The following PATJ variants were observed in gnomAD, a reference collection of about 807,000 sequenced individuals.
PATJ encodes the protein PATJ crumbs cell polarity complex component, also known as inaD-like protein.
PATJ carries 190 observed loss-of-function variants against 224.9 expected under a neutral mutation model. That is an observed-to-expected ratio of 0.84 (90% CI 0.75 to 0.95). The LOEUF (loss-of-function observed/expected upper bound fraction) is 0.95. Ranked by LOEUF, PATJ falls within the 40% of genes least tolerant of loss-of-function variation. The probability of loss-of-function intolerance (pLI) is 0.00; values close to 1 mark genes in which losing one functional copy is unlikely to be tolerated. For missense variants in PATJ, 2,121 were observed against 2,270.3 expected, an observed-to-expected ratio of 0.93 and a Z score of 1.34; for synonymous variants, 769 against 820.3, an observed-to-expected ratio of 0.94 and a Z score of 1.07.
intron 22 of PATJ, among the ~76,000 whole-genome samples, chr1:61,885,350 C>T (rs974006200): frequency 1.6e-4 from 25 of 152,126 alleles, no homozygotes; most frequent in Admixed American, 3.9e-4. Flanking sequence ...CAAACAACCC[C>T]ATCAAAAAGT....
Position 61,861,485 on chromosome 1 carries a change from C to T in PATJ, c.2323-66C>T, listed in dbSNP as rs1260783832. 12 of 715,540 alleles carry T rather than the reference C, an allele frequency of 1.7e-5. No individual in the cohort carries two copies. In the South Asian group the frequency reaches 1.8e-4, roughly 11 times the overall value. 44.3% of individuals were successfully genotyped at this position (715,540 alleles called of 1,614,324 possible). A position where few individuals can be genotyped will look rare whatever the true frequency, so the allele number is the denominator to read the frequency against. On this transcript the variant is annotated intron_variant, in intron 18 of 43. Coordinates refer to ENST00000642238, the MANE Select transcript of PATJ (RefSeq NM_001350145.3). Reference sequence around the variant, plus strand: ...CATTAGGTATTTGTCCTAATGCTCTCCCTCCCCTTGCTCCCCACCCCACAA... The same window carrying T: ...CATTAGGTATTTGTCCTAATGCTCTTCCTCCCCTTGCTCCCCACCCCACAA...
At chr1:61,939,332 C>CACACAT (rs1277865490) in intron 27 of PATJ, among the ~76,000 whole-genome samples, 1 of 111,452 alleles carries the variant, frequency 9.0e-6, no homozygotes, top group Non-Finnish European at 1.8e-5. Flanking sequence ...CACACACACA[C>CACACAT]ACACACACAC....
intron 21 of PATJ, among the ~76,000 whole-genome samples, chr1:61,877,592 C>A (rs1667504557): frequency 6.6e-6 from 1 of 151,888 alleles, no homozygotes; most frequent in African/African-American, 2.4e-5. Flanking sequence ...GGCACTTCCC[C>A]CTTTGCGCAT....
intron 31 of PATJ, among the ~76,000 whole-genome samples, chr1:62,067,731 TG>T (rs1169124722): frequency 7.9e-5 from 12 of 152,144 alleles, no homozygotes; most frequent in African/African-American, 2.7e-4. Flanking sequence ...CATTAGTGTT[TG>T]TTTGTTGTTT....
At chr1:61,962,531 C>G (rs148884978) in intron 27 of PATJ, among the ~76,000 whole-genome samples, 1 of 152,106 alleles carries the variant, frequency 6.6e-6, no homozygotes, top group Non-Finnish European at 1.5e-5. Context: ...AGTAATTGGA[C>G]TGGGTTTGTG....
intron 27 of PATJ, among the ~76,000 whole-genome samples, chr1:61,936,172 C>T (rs1312629184): frequency 6.6e-6 from 1 of 151,822 alleles, no homozygotes. Context: ...CAAATCCCTA[C>T]TCATTAGCAG....
chr1:61,859,116 A>T (rs1174910931), intron 18 of PATJ, among the ~76,000 whole-genome samples: 3 of 152,178 alleles, frequency 2.0e-5, no homozygotes, highest in Admixed American at 2.0e-4. Flanking sequence ...GCATGGGGAC[A>T]TCCCAAACTA....
At chr1:61,781,383 C>T (rs1443171324) in intron 7 of PATJ, among the ~76,000 whole-genome samples, 1 of 152,194 alleles carries the variant, frequency 6.6e-6, no homozygotes, top group African/African-American at 2.4e-5. Flanking sequence ...TCTCTTCAGC[C>T]TTCTTGCTAT....
At chr1:61,833,590 T>A (rs1659695445) in intron 16 of PATJ, 64 bp from the exon 17 acceptor site, 1 of 1,452,346 alleles carries the variant, frequency 6.9e-7, no homozygotes, top group African/African-American at 1.4e-5. Flanking sequence ...ATTCTTGATG[T>A]GTGCATTCTT....
chr1:61,753,916 T>C (rs1382807567), intron 1 of PATJ, among the ~76,000 whole-genome samples: 1 of 151,528 alleles, frequency 6.6e-6, no homozygotes, highest in Non-Finnish European at 1.5e-5. Flanking sequence ...AAAATTAAAT[T>C]TCTATCTCTC....
chr1:62,128,128 A>G, intron 40 of PATJ, 34 bp downstream of exon 40: 1 of 1,612,850 alleles, frequency 6.2e-7, no homozygotes, highest in East Asian at 2.2e-5. Context: ...GACTAACAAT[A>G]TGTGTTGGGG....
Position 61,984,661 on chromosome 1 carries a change from C to T in PATJ, c.3671-5507C>T, listed in dbSNP as rs557290441. On this transcript the variant is annotated intron_variant, in intron 27 of 43. Transcript: ENST00000642238. ...GGATTATTGGAAATGTCAACCAAAA[C>T]GAGTCCTTGGCATGATACAGTAGAA... Among the ~76,000 whole-genome samples the T allele has an allele frequency of 6.7e-4, 102 of 152,104 alleles. 1 individual carries two copies. The highest frequency in any genetic ancestry group is 2.0e-3 in the African/African-American group (84 of 41,394).
At chr1:61,991,146 C>T (rs1019380428) in intron 28 of PATJ, among the ~76,000 whole-genome samples, 9 of 151,658 alleles carry the variant, frequency 5.9e-5, no homozygotes, top group Admixed American at 2.6e-4. Flanking sequence ...AGAAAACAGA[C>T]GTGAAAAGAT....
At chr1:62,067,123 C>CTTTTTTTTTTTT (rs11381578) in intron 31 of PATJ, among the ~76,000 whole-genome samples, 1 of 116,474 alleles carries the variant, frequency 8.6e-6, no homozygotes, top group Non-Finnish European at 1.8e-5. Flanking sequence ...CCTATTCTTT[C>CTTTTTTTTTTTT]TTTTTTTTTT....
chr1:62,103,582 A>T (rs988630834), intron 33 of PATJ, among the ~76,000 whole-genome samples: 1 of 152,140 alleles, frequency 6.6e-6, no homozygotes. Flanking sequence ...GTGAAACCTC[A>T]TCTCTACTAA....
chr1:61,836,929 G>A (rs55975800), intron 17 of PATJ, among the ~76,000 whole-genome samples: 18,367 of 152,176 alleles, frequency 0.12, 1,237 homozygotes, highest in South Asian at 0.24. Context: ...AGAAAGTATT[G>A]GTAGAGGGAG....
In PATJ at chr1:62,114,189, C is replaced by T. The variant is rs780393690; in HGVS notation, c.4598C>T (p.Pro1533Leu). 1.5e-5 allele frequency: 25 copies of T among 1,614,030 alleles called. No individual in the cohort carries two copies. The South Asian group carries it at 1.6e-4, about 11-fold the overall frequency. The change falls in exon 35 of 44, where the codon CCT (proline) becomes CTT (leucine). Residue 1533 changes from proline to leucine, a missense_variant. By Grantham distance (98) the Pro-to-Leu change is moderately conservative. Coordinates refer to ENST00000642238, the MANE Select transcript of PATJ (RefSeq NM_001350145.3). ...YRDEENLEIF[P>L]VDLQKKAGRG... is the part of the protein sequence containing the mutation. ...GATGAGGAGAACTTGGAGATTTTCC[C>T]TGTGGATCTGCAGAAGAAAGCTGGC...
rs1659969531 is a variant in PATJ at position 62,086,260 on chromosome 1, T to TGTGTATGTGTGTGTGTG, written c.4377+1612_4377+1613insGTGTATGTGTGTGTGTG. 7.5e-6 allele frequency among the ~76,000 whole-genome samples: 1 copy of TGTGTATGTGTGTGTGTG among 133,044 alleles called. No individual in the cohort carries two copies. Among genetic ancestry groups the TGTGTATGTGTGTGTGTG allele is most frequent in the Non-Finnish European group, 1.6e-5 (1 of 64,036 alleles). 87.3% of individuals were successfully genotyped at this position (133,044 alleles called of 152,430 possible). ...TGTGTGTGTATGTGTGTGTGTGTGT[T>TGTGTATGTGTGTGTGTG]TAATACCTGCATATTATACAAAGTT... On this transcript the variant is annotated intron_variant, in intron 33 of 43. Coordinates refer to ENST00000642238, the MANE Select transcript of PATJ (RefSeq NM_001350145.3). The surrounding 1 kb of genome is among the most constrained non-coding windows in gnomAD (Gnocchi z 4.0).
intron 24 of PATJ, among the ~76,000 whole-genome samples, chr1:61,905,399 A>G (rs544557677): frequency 1.4e-4 from 22 of 152,392 alleles, no homozygotes; most frequent in Admixed American, 2.0e-4. Context: ...CTTAGAAGTT[A>G]GGATTTCAAG....
Sources: gnomAD v4.1 joint callset for allele counts (sites outside exome capture counted in the v4.1 genomes callset) on GRCh38, gnomAD v4.1.1 for gene constraint, Gnocchi (gnomAD v3.1) non-coding constraint, MANE v1.5 for transcripts, NCBI Gene and HGNC (gene_info 2026-07-23, HGNC 2026-07-21) for gene names.